MAP4K4: variants seen among roughly 807,000 people sequenced by gnomAD.
MAP4K4 encodes the protein HPK/GCK-like kinase HGK.
MAP4K4 carries 38 observed loss-of-function variants against 189.6 expected under a neutral mutation model. The observed-to-expected ratio is 0.20, with a 90% CI of 0.15 to 0.26. The LOEUF is 0.26. Among genes scored for constraint, MAP4K4 ranks in the 10% least tolerant of loss-of-function variants. The pLI is 1.00. For missense variants in MAP4K4, 1,054 were observed against 1,726.9 expected (o/e 0.61, Z 6.91); for synonymous variants, 610 against 624.3 (o/e 0.98, Z 0.34).
chr2:101,781,756 C>G (rs1203387308), intron 2 of MAP4K4, among the ~76,000 whole-genome samples: 1 of 152,128 alleles, frequency 6.6e-6, no homozygotes, highest in African/African-American at 2.4e-5. Flanking sequence ...AAGAATTACT[C>G]GTAAACTCTC....
chr2:101,862,455 A>G lies in MAP4K4; in HGVS notation c.1867-1366A>G, dbSNP rs373267979. On this transcript the variant is annotated intron_variant, in intron 16 of 32. Coordinates refer to ENST00000324219, the Ensembl canonical transcript of MAP4K4. ...AAAGAGGATGAGAAGAGAGACTACT[A>G]GAATAGGTCTGAGGACTCGTGTTCT... Among the ~76,000 whole-genome samples the G allele has an allele frequency of 3.3e-5, 5 of 152,238 alleles. No individual in the cohort carries two copies. In the East Asian group the frequency reaches 5.8e-4, roughly 18 times the overall value.
At chr2:101,754,783 C>T (rs1574948742) in intron 2 of MAP4K4, among the ~76,000 whole-genome samples, 1 of 152,198 alleles carries the variant, frequency 6.6e-6, no homozygotes, top group South Asian at 2.1e-4. Flanking sequence ...CTCCTCAGTC[C>T]TCAGCAGCTC....
At chr2:101,752,197 A>G (rs2069450601) in intron 2 of MAP4K4, among the ~76,000 whole-genome samples, 1 of 152,188 alleles carries the variant, frequency 6.6e-6, no homozygotes, top group Non-Finnish European at 1.5e-5. Flanking sequence ...ATTGAAATGG[A>G]AACTTTTATA....
At chr2:101,844,923 T>G (rs2097047378) in intron 12 of MAP4K4, among the ~76,000 whole-genome samples, 2 of 151,874 alleles carry the variant, frequency 1.3e-5, no homozygotes. Context: ...TCCCAGAACT[T>G]AAAGTAAAAT....
intron 2 of MAP4K4, among the ~76,000 whole-genome samples, chr2:101,741,188 G>C (rs191355739): frequency 0.016 from 2,035 of 130,552 alleles, 58 homozygotes; most frequent in African/African-American, 0.056. Context: ...TTTTTTTTGA[G>C]ACAGAGTCTC....
At chr2:101,717,590 A>G (rs2049120465) in intron 2 of MAP4K4, among the ~76,000 whole-genome samples, 1 of 152,050 alleles carries the variant, frequency 6.6e-6, no homozygotes, top group Admixed American at 6.6e-5. Flanking sequence ...AACGGCCTGA[A>G]CTCCATTACC....
chr2:101,789,499 T>TA (rs2092458747), intron 2 of MAP4K4, among the ~76,000 whole-genome samples: 1 of 152,192 alleles, frequency 6.6e-6, no homozygotes, highest in African/African-American at 2.4e-5. Flanking sequence ...AGCGGTGTCT[T>TA]ACCCAGGTAC....
chr2:101,820,434 T>G (rs75784750), intron 3 of MAP4K4, among the ~76,000 whole-genome samples: 14 of 152,336 alleles, frequency 9.2e-5, no homozygotes, highest in African/African-American at 3.4e-4. Context: ...TTTTCCCCTA[T>G]TCATTGTTGT....
intron 6 of MAP4K4, among the ~76,000 whole-genome samples, chr2:101,830,768 G>A (rs1464374043): frequency 6.6e-6 from 1 of 152,152 alleles, no homozygotes; most frequent in Non-Finnish European, 1.5e-5. Flanking sequence ...CGATCACTTA[G>A]TGATTGGTTA....
At chr2:101,729,666 CT>C (rs2057511707) in intron 2 of MAP4K4, among the ~76,000 whole-genome samples, 1 of 152,034 alleles carries the variant, frequency 6.6e-6, no homozygotes, top group Non-Finnish European at 1.5e-5. Flanking sequence ...TTGTTTTGTT[CT>C]GGTTTGGCTC....
intron 27 of MAP4K4, among the ~76,000 whole-genome samples, chr2:101,882,016 A>G (rs1404275018): frequency 1.3e-5 from 2 of 152,198 alleles, no homozygotes; most frequent in Admixed American, 1.3e-4. Flanking sequence ...ATATACATTT[A>G]TATTAGGAGA....
intron 28 of MAP4K4, among the ~76,000 whole-genome samples, chr2:101,884,129 C>T (rs1320884846): frequency 6.6e-6 from 1 of 152,078 alleles, no homozygotes; most frequent in African/African-American, 2.4e-5. Flanking sequence ...CAGAATGAAT[C>T]ACAAGTATTT....
intron 2 of MAP4K4, among the ~76,000 whole-genome samples, chr2:101,777,750 A>G (rs1575392289): frequency 6.6e-6 from 1 of 152,226 alleles, no homozygotes; most frequent in East Asian, 1.9e-4. Flanking sequence ...TTCAAGAACT[A>G]GAGCACAGAT....
At position 101,707,831 on chromosome 2, in the gene MAP4K4, T is replaced by C. The variant is rs199957766; in HGVS notation, c.123+9293T>C. On this transcript the variant is annotated intron_variant, in intron 2 of 32. Coordinates refer to ENST00000324219, the Ensembl canonical transcript of MAP4K4. ...TCAGCTTCCCGGTTAGATGGGACTA[T>C]AGGTGTCTGCCACCACGCCTGGCTA... 3.3e-5 allele frequency among the ~76,000 whole-genome samples: 5 copies of C among 151,084 alleles called. No homozygotes were observed. In the East Asian group the frequency reaches 9.8e-4, roughly 30 times the overall value.
intron 2 of MAP4K4, among the ~76,000 whole-genome samples, chr2:101,699,546 A>G: frequency 6.6e-6 from 1 of 152,200 alleles, no homozygotes; most frequent in East Asian, 1.9e-4. Context: ...TTAGGGAAGC[A>G]GGGCTCTGTG....
chr2:101,865,851 A>G (rs1013525327), intron 18 of MAP4K4, among the ~76,000 whole-genome samples: 2 of 152,200 alleles, frequency 1.3e-5, no homozygotes, highest in East Asian at 3.9e-4. Flanking sequence ...CAGCACTGCT[A>G]ATGGCAGGGG....
rs887301891 is a variant in MAP4K4 at position 101,793,354 on chromosome 2, C to G, written c.180+2578C>G. On this transcript the variant is annotated intron_variant, in intron 3 of 32. Coordinates refer to ENST00000324219, the Ensembl canonical transcript of MAP4K4. ...CTTATGGATAGAGGGCCATGCACAG[C>G]AGGCAGCCTGGAAAACAAGCCCTTG... Among the ~76,000 whole-genome samples the G allele has an allele frequency of 7.9e-4, 121 of 152,300 alleles. 1 individual carries two copies. Among genetic ancestry groups the G allele is most frequent in the African/African-American group, 2.8e-3 (116 of 41,580 alleles).
At chr2:101,762,172 C>T (rs924198615) in intron 2 of MAP4K4, among the ~76,000 whole-genome samples, 2 of 152,192 alleles carry the variant, frequency 1.3e-5, no homozygotes, top group South Asian at 2.1e-4. Flanking sequence ...TTTCTGTGAT[C>T]TTGGTGATGA....
At chr2:101,709,347 T>G (rs2044135934) in intron 2 of MAP4K4, among the ~76,000 whole-genome samples, 1 of 152,148 alleles carries the variant, frequency 6.6e-6, no homozygotes, top group South Asian at 2.1e-4. Context: ...AGATTACAAG[T>G]GTGAGCTACC....
Sources: allele counts gnomAD v4.1 joint callset (sites outside exome capture counted in the v4.1 genomes callset), GRCh38; gene constraint gnomAD v4.1.1; transcripts MANE v1.5; gene names NCBI Gene and HGNC (gene_info 2026-07-23, HGNC 2026-07-21).